Variants in FNDC7 observed in about 807,000 individuals in gnomAD.
FNDC7 encodes fibronectin type III domain-containing protein 7.
Under a neutral mutation model 74.2 loss-of-function variants are expected in FNDC7, and 66 were observed. The observed-to-expected ratio is 0.89, with a 90% CI of 0.73 to 1.09. The LOEUF (loss-of-function observed/expected upper bound fraction) is 1.09, where lower values mean the gene tolerates loss of function less well. Among genes scored for constraint, FNDC7 ranks in the 50% least tolerant of loss-of-function variants. The pLI is 0.00. For missense variants in FNDC7, 829 were observed against 893.4 expected, an observed-to-expected ratio of 0.93 and a Z score of 0.92; for synonymous variants, 307 against 330.2, an observed-to-expected ratio of 0.93 and a Z score of 0.76.
intron 2 of FNDC7, among the ~76,000 whole-genome samples, chr1:108,714,909 C>T (rs768917456): frequency 1.3e-5 from 2 of 151,982 alleles, no homozygotes; most frequent in Admixed American, 6.6e-5. Flanking sequence ...TTAAATAAGT[C>T]GACTTTGGGT....
At chr1:108,718,594 T>TTTCCCATTCCTCTGC (rs1553192348) in intron 3 of FNDC7, among the ~76,000 whole-genome samples, 195 bp from the exon 4 acceptor site, 1 of 152,252 alleles carries the variant, frequency 6.6e-6, no homozygotes, top group Non-Finnish European at 1.5e-5. Flanking sequence ...CGTTTCTCTG[T>TTTCCCATTCCTCTGC]TTCCCATTCC....
At position 108,730,729 on chromosome 1, in the gene FNDC7, C is replaced by A. The variant is rs76462144; in HGVS notation, c.1680C>A (p.Asn560Lys). ...TVTQITQSVINVSWTIGRVAQ... is the reference protein window; with the variant it reads ...TVTQITQSVIKVSWTIGRVAQ... ...CTCAAATCACCCAGTCAGTAATCAA[C>A]GTGAGCTGGACTATTGGGAGAGTGG... Residue 560 changes from asparagine to lysine, a missense_variant, in exon 9 of 13, where the codon AAC becomes AAA. Physicochemically the swap from Asn to Lys is moderately conservative, Grantham distance 94. Coordinates refer to ENST00000370017, the MANE Select transcript of FNDC7 (RefSeq NM_001144937.3). The A allele has an allele frequency of 5.1e-3, 8,202 of 1,610,498 alleles. 384 individuals carry two copies. The African/African-American group carries it at 0.095, about 19-fold the overall frequency.
intron 2 of FNDC7, among the ~76,000 whole-genome samples, chr1:108,715,670 C>T (rs867605330): frequency 2.2e-3 from 146 of 67,832 alleles, no homozygotes; most frequent in Admixed American, 4.9e-3. Flanking sequence ...CGTGCGCGCG[C>T]GCACACACAC....
intron 10 of FNDC7, chr1:108,734,792 C>T (rs974801713): frequency 2.0e-5 from 3 of 152,192 alleles, no homozygotes; most frequent in African/African-American, 7.2e-5. Context: ...GAGTCTACAG[C>T]TCAATAACAA....
chr1:108,738,533 C>T (rs1279816908), intron 11 of FNDC7, among the ~76,000 whole-genome samples: 1 of 146,534 alleles, frequency 6.8e-6, no homozygotes, highest in Non-Finnish European at 1.5e-5. Flanking sequence ...ACTTCTCTCC[C>T]GCCCACCCCC....
At chr1:108,716,320 G>GTGTGT in intron 2 of FNDC7, among the ~76,000 whole-genome samples, 1 of 95,770 alleles carries the variant, frequency 1.0e-5, no homozygotes, top group Non-Finnish European at 2.2e-5. Flanking sequence ...GCAGAAGAGA[G>GTGTGT]GTGTGTGTGT....
rs745985734 is a variant in FNDC7, at chr1:108,728,650, TAAA to T, written c.1392_1394del (p.Lys464del). On this transcript the variant is annotated inframe_deletion, in exon 8 of 13. Transcript: ENST00000370017. Reference sequence around the variant, plus strand: ...GTCTTAGCTCCTTGCAGTCCTGAAATAAAAAATGTTTCAAGGGATGCATTCTCC... The same window carrying T: ...GTCTTAGCTCCTTGCAGTCCTGAAATAAATGTTTCAAGGGATGCATTCTCC... 2 of 1,614,064 alleles carry T rather than the reference TAAA, an allele frequency of 1.2e-6. No individual in the cohort carries two copies. The highest frequency in any genetic ancestry group is 1.3e-5 in the African/African-American group (1 of 74,930).
intron 6 of FNDC7, among the ~76,000 whole-genome samples, chr1:108,726,483 G>T (rs1447919915): frequency 6.6e-6 from 1 of 152,114 alleles, no homozygotes; most frequent in Non-Finnish European, 1.5e-5. Flanking sequence ...TGCCCACCTT[G>T]CTAGTTCCTT....
intron 5 of FNDC7, among the ~76,000 whole-genome samples, chr1:108,723,743 T>C (rs1661146487): frequency 6.6e-6 from 1 of 152,202 alleles, no homozygotes; most frequent in Admixed American, 6.5e-5. Flanking sequence ...ATGCAGAGTT[T>C]TTAAATCTTG....
rs71098692 is a variant in FNDC7 at position 108,714,605 on chromosome 1, A to ATTTTTT, written c.82+1092_82+1097dup. On this transcript the variant is annotated intron_variant, in intron 2 of 12. Coordinates refer to ENST00000370017, the MANE Select transcript of FNDC7 (RefSeq NM_001144937.3). ...TCTGCTTGGCCATATACAAAGTGGC[A>ATTTTTT]TTTTTTTTTTTTTTTTTTTTTGAGA... 6.8e-4 allele frequency among the ~76,000 whole-genome samples: 69 copies of ATTTTTT among 102,140 alleles called. 4 individuals carry two copies. Among genetic ancestry groups the ATTTTTT allele is most frequent in the Non-Finnish European group, 9.7e-4 (52 of 53,450 alleles). 67.0% of individuals were successfully genotyped at this position (102,140 alleles called of 152,430 possible).
At chr1:108,722,978 A>AT (rs11462838) in intron 5 of FNDC7, among the ~76,000 whole-genome samples, 81,381 of 151,756 alleles carry the variant, frequency 0.54, 23,693 homozygotes, top group East Asian at 0.87. Context: ...GGGAGCCGCC[A>AT]TTTTTTAAGA....
rs141985764 is a variant in FNDC7, at chr1:108,737,206, A to G, written c.2141-289A>G. 1.9e-3 allele frequency among the ~76,000 whole-genome samples: 288 copies of G among 152,174 alleles called. 7 individuals carry two copies. The East Asian group carries it at 0.053, about 28-fold the overall frequency. ...AGGCCGGTCTTGAACTCCTGACCTC[A>G]GGTATCTGCCCACCTGGGCCTCCCA... On this transcript the variant is annotated intron_variant, in intron 10 of 12. Coordinates refer to ENST00000370017, the MANE Select transcript of FNDC7 (RefSeq NM_001144937.3).
chr1:108,721,470 A>G (rs1260779625), intron 4 of FNDC7, among the ~76,000 whole-genome samples: 1 of 151,988 alleles, frequency 6.6e-6, no homozygotes, highest in Non-Finnish European at 1.5e-5. Context: ...CTCCGTCTCA[A>G]AAAAAAGAAA....
intron 3 of FNDC7, 124 bp from the exon 4 acceptor site, chr1:108,718,665 T>G (rs567480637): frequency 9.8e-7 from 1 of 1,023,480 alleles, no homozygotes; most frequent in South Asian, 1.7e-5. Flanking sequence ...GAAACTTTGT[T>G]GTGAATGCTC....
At position 108,718,993 on chromosome 1, in the gene FNDC7, A is replaced by G; in HGVS notation, c.542A>G (p.Tyr181Cys). The change falls in exon 4 of 13, where the codon TAT becomes TGT. Residue 181 changes from tyrosine (Y) to cysteine (C), a missense_variant. Transcript: ENST00000370017. ...EAGTLYTIKA[Y>C]AWNANRIPGD... ...GGAACTCTCTACACCATAAAGGCCT[A>G]TGCATGGAATGCCAACAGAATCCCT... 5 of 1,552,182 alleles carry G rather than the reference A, an allele frequency of 3.2e-6. No individual in the cohort carries two copies. Among genetic ancestry groups the G allele is most frequent in the South Asian group, 1.2e-5 (1 of 84,066 alleles).
intron 2 of FNDC7, among the ~76,000 whole-genome samples, chr1:108,715,521 T>C (rs547601622): frequency 3.6e-4 from 55 of 152,256 alleles, no homozygotes; most frequent in African/African-American, 1.3e-3. Context: ...ACAGACAATC[T>C]CTCTCTCCAG....
At position 108,716,321 on chromosome 1, in the gene FNDC7, GTGTGTGTGTGTGTGT is replaced by G. The variant is rs1660973692; in HGVS notation, c.83-1455_83-1441del. Among the ~76,000 whole-genome samples the G allele has an allele frequency of 3.1e-3, 288 of 92,834 alleles. 1 individual carries two copies. Among genetic ancestry groups the G allele is most frequent in the Non-Finnish European group, 4.4e-3 (212 of 48,684 alleles). The allele number at this position is 92,834 out of a possible 152,430, so 60.9% of individuals were successfully genotyped here. A position where few individuals can be genotyped will look rare whatever the true frequency, so the allele number is the denominator to read the frequency against. On this transcript the variant is annotated intron_variant, in intron 2 of 12. Coordinates refer to ENST00000370017, the MANE Select transcript of FNDC7 (RefSeq NM_001144937.3). ...CATTAGCTTGGGGAGCAGAAGAGAG[GTGTGTGTGTGTGTGT>G]GTGTGTGTGTGTGTGTGTGTGTGTG...
At chr1:108,717,535 C>T (rs1437864049) in intron 2 of FNDC7, among the ~76,000 whole-genome samples, 1 of 152,140 alleles carries the variant, frequency 6.6e-6, no homozygotes, top group Non-Finnish European at 1.5e-5. Context: ...GCAAATTACC[C>T]CACAGGCAAT....
chr1:108,715,735 A>G (rs1333113510), intron 2 of FNDC7, among the ~76,000 whole-genome samples: 7 of 152,222 alleles, frequency 4.6e-5, no homozygotes, highest in Admixed American at 3.9e-4. Flanking sequence ...TATTCTTTAC[A>G]ACAATCCTAA....
Sources: allele counts gnomAD v4.1 joint callset (sites outside exome capture counted in the v4.1 genomes callset), GRCh38; gene constraint gnomAD v4.1.1; transcripts MANE v1.5; gene names NCBI Gene and HGNC (gene_info 2026-07-23, HGNC 2026-07-21).